Variants in RAPGEF4 observed in about 807,000 individuals in gnomAD.
RAPGEF4 encodes Rap guanine nucleotide exchange factor 4.
In RAPGEF4, 66 loss-of-function variants were observed where a neutral mutation model predicts 147.9. The observed-to-expected ratio is 0.45, with a 90% confidence interval of 0.37 to 0.55. RAPGEF4 has a LOEUF of 0.55. Ranked by LOEUF, RAPGEF4 falls within the 20% of genes least tolerant of loss-of-function variation. The pLI, the probability that RAPGEF4 is intolerant of heterozygous loss-of-function variation, is 0.00. For synonymous variants in RAPGEF4, 419 were observed against 442.7 expected (o/e 0.95, Z 0.67); for missense variants, 1,071 against 1,257.3 (o/e 0.85, Z 2.24).
chr2:172,900,179 C>G (rs1698924035), intron 4 of RAPGEF4, among the ~76,000 whole-genome samples: 1 of 152,206 alleles, frequency 6.6e-6, no homozygotes, highest in Non-Finnish European at 1.5e-5. Flanking sequence ...GCAGTAAGAG[C>G]AACCATTTAA....
chr2:172,804,710 T>C (rs1687309549), intron 3 of RAPGEF4, among the ~76,000 whole-genome samples: 1 of 152,196 alleles, frequency 6.6e-6, no homozygotes, highest in Non-Finnish European at 1.5e-5. Flanking sequence ...TCCTCCAGTG[T>C]CCGTAGTGGG....
intron 4 of RAPGEF4, among the ~76,000 whole-genome samples, chr2:172,821,289 C>T (rs1379405555): frequency 6.6e-6 from 1 of 152,186 alleles, no homozygotes; most frequent in Non-Finnish European, 1.5e-5. Flanking sequence ...CACCTGCAGA[C>T]AAGGCAGCCC....
At chr2:172,973,097 CT>C (rs1183312163) in intron 10 of RAPGEF4, among the ~76,000 whole-genome samples, 22 of 114,762 alleles carry the variant, frequency 1.9e-4, no homozygotes, top group East Asian at 1.0e-3. Flanking sequence ...TTTCAAGCCC[CT>C]TTTTTTTTCT....
chr2:172,772,503 C>G (rs1683725372), intron 1 of RAPGEF4, among the ~76,000 whole-genome samples: 4 of 151,972 alleles, frequency 2.6e-5, no homozygotes, highest in Admixed American at 2.6e-4. Context: ...GCCACCAGGC[C>G]TGGCTAATTT....
intron 1 of RAPGEF4, among the ~76,000 whole-genome samples, chr2:172,760,947 A>G (rs1574734567): frequency 6.6e-6 from 1 of 152,126 alleles, no homozygotes; most frequent in Non-Finnish European, 1.5e-5. Context: ...ACCAAGACAC[A>G]TAACCAAACT....
chr2:172,920,691 G>C (rs532209530), intron 5 of RAPGEF4, among the ~76,000 whole-genome samples: 52 of 152,184 alleles, frequency 3.4e-4, no homozygotes, highest in Admixed American at 6.5e-4. Context: ...CTAATTTCCA[G>C]CTACTCATAT....
intron 6 of RAPGEF4, among the ~76,000 whole-genome samples, chr2:172,954,116 T>G (rs1457765815): frequency 6.6e-6 from 1 of 151,960 alleles, no homozygotes; most frequent in African/African-American, 2.4e-5. Flanking sequence ...ACTGGTGGGG[T>G]TGAAGTAGGT....
intron 29 of RAPGEF4, 106 bp from the exon 30 acceptor site, chr2:173,048,494 C>T (rs1231047741): frequency 6.6e-7 from 1 of 1,522,804 alleles, no homozygotes; most frequent in Middle Eastern, 1.8e-4. Flanking sequence ...CAGAACATGT[C>T]ACTTCTCATG....
chr2:172,943,334 G>C (rs76200090), intron 6 of RAPGEF4, among the ~76,000 whole-genome samples: 4,079 of 152,180 alleles, frequency 0.027, 86 homozygotes, highest in Middle Eastern at 0.051. Context: ...TACTTTAAGG[G>C]GAAGGTAAGC....
At chr2:172,884,983 T>A (rs1356551803) in intron 4 of RAPGEF4, among the ~76,000 whole-genome samples, 1 of 152,234 alleles carries the variant, frequency 6.6e-6, no homozygotes, top group African/African-American at 2.4e-5. Context: ...CCTGGGTTTG[T>A]CAGTAGCCAC....
intron 4 of RAPGEF4, among the ~76,000 whole-genome samples, chr2:172,904,724 C>A (rs897174589): frequency 6.6e-6 from 1 of 151,870 alleles, no homozygotes; most frequent in Non-Finnish European, 1.5e-5. Flanking sequence ...CTACCCGATA[C>A]ACCACTTCCC....
At chr2:172,819,694 T>C (rs1688882154) in intron 4 of RAPGEF4, among the ~76,000 whole-genome samples, 1 of 151,992 alleles carries the variant, frequency 6.6e-6, no homozygotes, top group Non-Finnish European at 1.5e-5. Context: ...CTCGATCTCC[T>C]GACCTCGTGA....
chr2:173,022,496 A>T (rs1002622768), intron 23 of RAPGEF4, among the ~76,000 whole-genome samples: 3 of 152,190 alleles, frequency 2.0e-5, no homozygotes, highest in East Asian at 1.9e-4. Context: ...CTTTCTAAAG[A>T]TTCCCTTTGA....
At chr2:172,857,174 G>GCACACACACACACA (rs34315927) in intron 4 of RAPGEF4, among the ~76,000 whole-genome samples, 2 of 150,044 alleles carry the variant, frequency 1.3e-5, no homozygotes, top group African/African-American at 4.9e-5. Flanking sequence ...GTGTGCGCGC[G>GCACACACACACACA]CACACACACA....
At chr2:172,787,708 C>G (rs1685360459) in intron 1 of RAPGEF4, among the ~76,000 whole-genome samples, 1 of 151,988 alleles carries the variant, frequency 6.6e-6, no homozygotes, top group Admixed American at 6.6e-5. Flanking sequence ...CAGCCTCAAC[C>G]TCCTGGGCTC....
At chr2:172,994,065 G>T (rs1693083736) in intron 15 of RAPGEF4, among the ~76,000 whole-genome samples, 1 of 152,174 alleles carries the variant, frequency 6.6e-6, no homozygotes, top group African/African-American at 2.4e-5. Context: ...CCTTCTAGTA[G>T]AATTAAACTT....
At chr2:172,826,157 T>G (rs1337414302) in intron 4 of RAPGEF4, among the ~76,000 whole-genome samples, 2 of 152,190 alleles carry the variant, frequency 1.3e-5, no homozygotes, top group Non-Finnish European at 2.9e-5. Flanking sequence ...TTCTTTTGCC[T>G]CCATGCCATG....
At chr2:172,884,361 T>G (rs1696948814) in intron 4 of RAPGEF4, among the ~76,000 whole-genome samples, 1 of 152,244 alleles carries the variant, frequency 6.6e-6, no homozygotes, top group Admixed American at 6.5e-5. Flanking sequence ...ATTAGGAAAC[T>G]TGTGTTTGCA....
chr2:172,797,753 A>ATTCCTTTATTAAGTTACTTTATTAAG, intron 3 of RAPGEF4, 140 bp downstream of exon 3: 1 of 627,304 alleles, frequency 1.6e-6, no homozygotes, highest in South Asian at 2.4e-5. Flanking sequence ...TGTTTGTTGG[A>ATTCCTTTATTAAGTTACTTTATTAAG]TTCCTTTATT....
Sources: allele counts gnomAD v4.1 joint callset (sites outside exome capture counted in the v4.1 genomes callset), GRCh38; gene constraint gnomAD v4.1.1; transcripts MANE v1.5; gene names NCBI Gene and HGNC (gene_info 2026-07-23, HGNC 2026-07-21).